CTNNA2: variants seen among roughly 807,000 people sequenced by gnomAD.
CTNNA2 encodes catenin alpha-2.
CTNNA2 carries 42 observed loss-of-function variants against 101.0 expected under a neutral mutation model. The ratio of observed to expected loss-of-function variants is 0.42; its 90% CI spans 0.32 to 0.54. CTNNA2 has a LOEUF of 0.54. CTNNA2 is among the 20% of genes least tolerant of loss of function. The pLI, the probability that CTNNA2 is intolerant of heterozygous loss-of-function variation, is 0.14. For synonymous variants in CTNNA2, 450 were observed against 456.4 expected (o/e 0.99, Z 0.18); for missense variants, 871 against 1,223.1 (o/e 0.71, Z 4.29).
intron 3 of CTNNA2, among the ~76,000 whole-genome samples, chr2:79,849,910 C>G (rs1431185147): frequency 6.6e-6 from 1 of 152,194 alleles, no homozygotes; most frequent in Non-Finnish European, 1.5e-5. Context: ...CTTTCCTCCT[C>G]TCGACAGCAT....
chr2:80,449,370 G>A (rs1574066625), intron 9 of CTNNA2, among the ~76,000 whole-genome samples: 1 of 152,188 alleles, frequency 6.6e-6, no homozygotes, highest in East Asian at 1.9e-4. Context: ...TATTGTAGCA[G>A]TAATATCTGT....
intron 7 of CTNNA2, among the ~76,000 whole-genome samples, chr2:80,061,254 CAA>C (rs772205301): frequency 4.6e-5 from 7 of 152,094 alleles, no homozygotes; most frequent in Middle Eastern, 3.4e-3. Context: ...AATACAAAAA[CAA>C]GAGGCAAAAC....
At chr2:79,310,201 G>A (rs1676335808) in intron 2 of CTNNA2, among the ~76,000 whole-genome samples, 1 of 151,936 alleles carries the variant, frequency 6.6e-6, no homozygotes, top group African/African-American at 2.4e-5. Context: ...CACTTTGTTG[G>A]GGGTTTCACT....
chr2:79,804,055 T>C (rs1265750017), intron 3 of CTNNA2, among the ~76,000 whole-genome samples: 1 of 152,250 alleles, frequency 6.6e-6, no homozygotes. Context: ...AATTCCATTA[T>C]AGTTCATCAG....
chr2:80,167,571 T>G lies in CTNNA2; in HGVS notation c.1057-225640T>G, dbSNP rs185508603. On this transcript the variant is annotated intron_variant, in intron 7 of 18. Transcript: ENST00000402739. ...AGTGAAAATATGGAATTTGTTTCCC[T>G]CATAACTGTCCTTGAATGTGGACCT... 3.5e-3 allele frequency among the ~76,000 whole-genome samples: 534 copies of G among 152,336 alleles called. 5 individuals are homozygous for G. Among genetic ancestry groups the G allele is most frequent in the Non-Finnish European group, 5.4e-3 (370 of 68,038 alleles).
chr2:79,586,197 T>C (rs1400834431), intron 1 of CTNNA2, among the ~76,000 whole-genome samples: 1 of 152,118 alleles, frequency 6.6e-6, no homozygotes, highest in African/African-American at 2.4e-5. Context: ...CACCGGCTTC[T>C]CCTCTTCTCT....
At chr2:80,449,225 T>G (rs1481093382) in intron 9 of CTNNA2, among the ~76,000 whole-genome samples, 1 of 151,920 alleles carries the variant, frequency 6.6e-6, no homozygotes, top group African/African-American at 2.4e-5. Flanking sequence ...TGTAGTGAGC[T>G]ATGATCAATC....
chr2:79,654,223 A>G (rs1008079599), intron 2 of CTNNA2, among the ~76,000 whole-genome samples: 1 of 152,180 alleles, frequency 6.6e-6, no homozygotes, highest in African/African-American at 2.4e-5. Flanking sequence ...CTACATTTTT[A>G]GGTATTTGTT....
intron 1 of CTNNA2, among the ~76,000 whole-genome samples, chr2:79,187,265 C>CTTTTTTTTTTTTTTTTTT (rs1156460356): frequency 2.4e-5 from 2 of 83,404 alleles, no homozygotes; most frequent in African/African-American, 1.2e-4. Context: ...CTTTTCTTTT[C>CTTTTTTTTTTTTTTTTTT]TTTTCTTTTT....
intron 2 of CTNNA2, among the ~76,000 whole-genome samples, chr2:79,724,320 GA>G (rs961420285): frequency 2.3e-4 from 35 of 151,910 alleles, no homozygotes; most frequent in African/African-American, 8.5e-4. Context: ...TTCCCTACAA[GA>G]AGACCCCAAA....
intron 4 of CTNNA2, among the ~76,000 whole-genome samples, chr2:79,417,768 G>A (rs1013785162): frequency 1.3e-5 from 2 of 151,880 alleles, no homozygotes; most frequent in Non-Finnish European, 2.9e-5. Flanking sequence ...CTTGCGGTTA[G>A]GAACTGGATG....
At position 79,593,361 on chromosome 2, in the gene CTNNA2, T is replaced by C. The variant is rs530154171; in HGVS notation, c.-5-58191T>C. The stretch of plus-strand genomic sequence containing the variant: ...CAGTTGAGGACAATTATGGTCACAG[T>C]TGAGATACTGTTGTAGAACACAATG... On this transcript the variant is annotated intron_variant, in intron 1 of 18. Coordinates refer to ENST00000402739, the MANE Select transcript of CTNNA2 (RefSeq NM_001282597.3). Among the ~76,000 whole-genome samples, 84 of 152,340 alleles carry C rather than the reference T, an allele frequency of 5.5e-4. 2 individuals are homozygous for C. The South Asian group carries it at 7.3e-3, about 13-fold the overall frequency.
chr2:80,199,300 G>T (rs1707049959), intron 7 of CTNNA2, among the ~76,000 whole-genome samples: 1 of 149,564 alleles, frequency 6.7e-6, no homozygotes, highest in South Asian at 2.1e-4. Context: ...TCAATTGTCT[G>T]TTCTAGCTAT....
chr2:80,014,113 A>G (rs1693971889), intron 7 of CTNNA2, among the ~76,000 whole-genome samples: 2 of 152,212 alleles, frequency 1.3e-5, no homozygotes, highest in Admixed American at 1.3e-4. Context: ...GCTAAGTAGC[A>G]TTATTATTAT....
chr2:79,273,097 C>A (rs73938162), intron 2 of CTNNA2, among the ~76,000 whole-genome samples: 1 of 151,924 alleles, frequency 6.6e-6, no homozygotes, highest in Admixed American at 6.6e-5. Flanking sequence ...GTTGGCTTCT[C>A]AGCACAAAGT....
intron 4 of CTNNA2, among the ~76,000 whole-genome samples, chr2:79,428,844 A>G (rs1318990320): frequency 1.3e-5 from 2 of 152,170 alleles, no homozygotes; most frequent in East Asian, 3.9e-4. Flanking sequence ...GTAGTTTAGA[A>G]TCAAGACTAT....
chr2:79,190,113 T>A (rs898947259), intron 1 of CTNNA2, among the ~76,000 whole-genome samples: 1 of 152,288 alleles, frequency 6.6e-6, no homozygotes, highest in African/African-American at 2.4e-5. Flanking sequence ...TCCATTGTGA[T>A]TCCTCCTCTG....
At chr2:80,584,372 G>A (rs1226048163) in intron 14 of CTNNA2, among the ~76,000 whole-genome samples, 2 of 146,810 alleles carry the variant, frequency 1.4e-5, no homozygotes, top group Non-Finnish European at 3.0e-5. Flanking sequence ...TTTCAAAAAT[G>A]TCCTTTATAT....
chr2:80,366,078 C>T (rs555941094), intron 7 of CTNNA2, among the ~76,000 whole-genome samples: 74 of 152,272 alleles, frequency 4.9e-4, no homozygotes, highest in African/African-American at 1.6e-3. Flanking sequence ...TGGCAATTCT[C>T]ACACAGAACA....
Sources: gnomAD v4.1 joint callset for allele counts (sites outside exome capture counted in the v4.1 genomes callset) on GRCh38, gnomAD v4.1.1 for gene constraint, MANE v1.5 for transcripts, NCBI Gene and HGNC (gene_info 2026-07-23, HGNC 2026-07-21) for gene names.